Variants in GK5 observed in about 807,000 individuals in gnomAD.
GK5 encodes glycerol kinase 5, also known as ATP:glycerol 3-phosphotransferase 5.
In GK5, 39 loss-of-function variants were observed where a neutral mutation model predicts 77.3. The ratio of observed to expected loss-of-function variants is 0.50; its 90% confidence interval spans 0.39 to 0.66. GK5 has a LOEUF of 0.66. GK5 is among the 30% of genes least tolerant of loss of function. The pLI is 0.00. For missense variants in GK5, 487 were observed against 633.8 expected (o/e 0.77, Z 2.49); for synonymous variants, 211 against 208.0 (o/e 1.01, Z -0.13).
At chr3:142,189,343 A>G (rs2063817375) in intron 5 of GK5, among the ~76,000 whole-genome samples, 1 of 152,220 alleles carries the variant, frequency 6.6e-6, no homozygotes, top group Admixed American at 6.5e-5. Context: ...GAGTTCCAAA[A>G]ACGAGGTCAT....
Position 142,225,206 on chromosome 3 carries a change from T to C in GK5, c.147+103A>G, listed in dbSNP as rs888251956. The C allele has an allele frequency of 3.1e-4, 399 of 1,284,256 alleles. 2 individuals are homozygous for C. In the African/African-American group the frequency reaches 5.9e-3, roughly 19 times the overall value. 79.6% of individuals were successfully genotyped at this position (1,284,256 alleles called of 1,614,324 possible). A position where few individuals can be genotyped will look rare whatever the true frequency, so the allele number is the denominator to read the frequency against. ...CCCGCGGGTGCTGCAGGTGGCCGCGTCCAGGGCGGTAGGTGGGGCCTGCCC... is the reference window on the plus strand; with the variant it reads ...CCCGCGGGTGCTGCAGGTGGCCGCGCCCAGGGCGGTAGGTGGGGCCTGCCC... On this transcript the variant is annotated intron_variant, in intron 1 of 15. Coordinates refer to ENST00000392993, the MANE Select transcript of GK5 (RefSeq NM_001039547.3).
rs369557252 is a variant in GK5 at position 142,181,535 on chromosome 3, C to T, written c.974G>A (p.Gly325Glu). 31 of 1,613,160 alleles carry T rather than the reference C, an allele frequency of 1.9e-5. No individual in the cohort carries two copies. The African/African-American group carries it at 3.9e-4, about 20-fold the overall frequency. The stretch of plus-strand genomic sequence containing the variant: ...TTCAGCTAAGCATACGACTTCTTGC[C>T]CAATCTTCCACCCAATTAATGGATA... The part of the protein sequence containing the change: ...GFYPLIGWKI[G>E]QEVVCLAESN... The change falls in exon 11 of 16, where the codon GGG (glycine) becomes GAG (glutamate). Residue 325 changes from glycine (G) to glutamate (E), a missense_variant. Gly to Glu is a moderately conservative substitution (Grantham distance 98, BLOSUM62 -2). This residue lies in a region of GK5 where 323 missense variants were observed against 437.4 expected (regional missense o/e 0.74). Transcript: ENST00000392993.
rs553977265 is a variant in GK5, at chr3:142,161,024, A to T, written c.*4598T>A. 1.3e-5 allele frequency: 2 copies of T among 152,334 alleles called. No individual in the cohort carries two copies. The highest frequency in any genetic ancestry group is 2.9e-5 in the Non-Finnish European group (2 of 68,034). The allele number at this position is 152,334 out of a possible 1,614,324, so 9.4% of individuals were successfully genotyped here. A position where few individuals can be genotyped will look rare whatever the true frequency, so the allele number is the denominator to read the frequency against. On this transcript the variant is annotated 3_prime_UTR_variant, in exon 16 of 16. Transcript: ENST00000392993. ...AGGCATGAGCCACTGTACTTGGCCA[A>T]AAATTTTAAATAAACAACATGAGGA...
intron 1 of GK5, among the ~76,000 whole-genome samples, chr3:142,220,457 G>GT (rs1393722536): frequency 6.6e-6 from 1 of 152,160 alleles, no homozygotes; most frequent in Non-Finnish European, 1.5e-5. Flanking sequence ...AATACGAACA[G>GT]TGAGTGGGCA....
intron 11 of GK5, among the ~76,000 whole-genome samples, chr3:142,178,860 T>C (rs1291697080): frequency 2.0e-5 from 3 of 152,242 alleles, no homozygotes; most frequent in African/African-American, 7.2e-5. Flanking sequence ...TTTTTCAAAG[T>C]GGCTCTACCA....
In GK5 at chr3:142,183,136, T is replaced by A. The variant is rs2063720012; in HGVS notation, c.817-87A>T. 2.6e-6 allele frequency: 3 copies of A among 1,142,526 alleles called. No homozygotes were observed. The African/African-American group carries it at 4.7e-5, about 18-fold the overall frequency. The allele number at this position is 1,142,526 out of a possible 1,614,324, so 70.8% of individuals were successfully genotyped here. A position where few individuals can be genotyped will look rare whatever the true frequency, so the allele number is the denominator to read the frequency against. Reference sequence around the variant, plus strand: ...CATTGTCTCACTTATTGTACTCTCATGATTAAACATCTTCGTTTCTTTTTC... The same window carrying A: ...CATTGTCTCACTTATTGTACTCTCAAGATTAAACATCTTCGTTTCTTTTTC... On this transcript the variant is annotated intron_variant, in intron 9 of 15. Transcript: ENST00000392993.
intron 2 of GK5, among the ~76,000 whole-genome samples, 192 bp downstream of exon 2, chr3:142,215,406 GA>G (rs905457112): frequency 1.4e-4 from 21 of 152,230 alleles, no homozygotes; most frequent in African/African-American, 4.6e-4. Context: ...GGACACAGCA[GA>G]TGTTACCTTT....
chr3:142,187,923 G>A (rs1218478137), intron 5 of GK5, 144 bp from the exon 6 acceptor site: 1 of 617,372 alleles, frequency 1.6e-6, no homozygotes, highest in African/African-American at 1.9e-5. Flanking sequence ...TATTCCAAAT[G>A]GTTCTAAGTG....
chr3:142,219,662 CGATTTTA>C (rs1560240190), intron 1 of GK5, among the ~76,000 whole-genome samples: 3 of 152,142 alleles, frequency 2.0e-5, no homozygotes, highest in African/African-American at 7.2e-5. Flanking sequence ...CACCAAAAGT[CGATTTTA>C]CTTTAACTTA....
At chr3:142,178,898 C>T (rs1324541407) in intron 11 of GK5, among the ~76,000 whole-genome samples, 1 of 152,218 alleles carries the variant, frequency 6.6e-6, no homozygotes, top group East Asian at 1.9e-4. Flanking sequence ...GCGGCAGGCA[C>T]GAGAGTTCGT....
chr3:142,216,245 C>A (rs994521800), intron 1 of GK5, among the ~76,000 whole-genome samples: 2 of 152,094 alleles, frequency 1.3e-5, no homozygotes, highest in African/African-American at 4.8e-5. Context: ...ATCCTGAAAA[C>A]CAGAACTGGG....
At position 142,165,613 on chromosome 3, in the gene GK5, C is replaced by T. The variant is rs990341035; in HGVS notation, c.*9G>A. ...CAGCTACCTATGGTTTTGATCATTT[C>T]ATTTAGTGTTATGTCTTGTTATACC... On this transcript the variant is annotated 3_prime_UTR_variant, in exon 16 of 16. Transcript: ENST00000392993. 1.5e-5 allele frequency: 24 copies of T among 1,598,002 alleles called. No individual in the cohort carries two copies. The highest frequency in any genetic ancestry group is 2.0e-5 in the Non-Finnish European group (23 of 1,173,842).
At chr3:142,205,476 C>G (rs2064091003) in intron 3 of GK5, among the ~76,000 whole-genome samples, 1 of 152,174 alleles carries the variant, frequency 6.6e-6, no homozygotes, top group African/African-American at 2.4e-5. Context: ...CATTCCACAC[C>G]CATGGTCATA....
chr3:142,198,571 G>A (rs2063970415), intron 5 of GK5, among the ~76,000 whole-genome samples: 2 of 152,190 alleles, frequency 1.3e-5, no homozygotes, highest in African/African-American at 4.8e-5. Flanking sequence ...CCGAGATCAC[G>A]CCATTGCACA....
chr3:142,163,267 A>T lies in GK5; in HGVS notation c.*2355T>A, dbSNP rs138918662. 2 of 146,050 alleles carry T rather than the reference A, an allele frequency of 1.4e-5. No individual in the cohort carries two copies. Among genetic ancestry groups the T allele is most frequent in the African/African-American group, 5.3e-5 (2 of 37,912 alleles). 9.0% of individuals were successfully genotyped at this position (146,050 alleles called of 1,614,324 possible). A position where few individuals can be genotyped will look rare whatever the true frequency, so the allele number is the denominator to read the frequency against. On this transcript the variant is annotated 3_prime_UTR_variant, in exon 16 of 16. Transcript: ENST00000392993. ...AGTTACTTTCCAACATTATCTGAAA[A>T]GTATTGATCCTTTTTTTTTTTTTTT...
chr3:142,198,254 T>C (rs967461523), intron 5 of GK5, among the ~76,000 whole-genome samples: 2 of 152,134 alleles, frequency 1.3e-5, no homozygotes, highest in African/African-American at 4.8e-5. Context: ...CACACAACAT[T>C]GCTATATGTC....
chr3:142,195,263 C>T (rs1560224049), intron 5 of GK5, among the ~76,000 whole-genome samples: 1 of 151,652 alleles, frequency 6.6e-6, no homozygotes, highest in African/African-American at 2.4e-5. Context: ...GGGATAAATC[C>T]CACTTAGTCA....
rs1357782469 is a variant in GK5, at chr3:142,177,585, A to C, written c.1049-9T>G. On this transcript the variant is annotated splice_polypyrimidine_tract_variant and intron_variant, in intron 11 of 15. Coordinates refer to ENST00000392993, the MANE Select transcript of GK5 (RefSeq NM_001039547.3). ...AGCATCTGTGAAAAGGTCTGCAAAAACAAACAAACAACAAAAAACCCTAAA... is the reference window on the plus strand; with the variant it reads ...AGCATCTGTGAAAAGGTCTGCAAAACCAAACAAACAACAAAAAACCCTAAA... The C allele has an allele frequency of 6.4e-7, 1 of 1,564,008 alleles. No homozygotes were observed. The highest frequency in any genetic ancestry group is 8.8e-7 in the Non-Finnish European group (1 of 1,142,676).
At chr3:142,207,434 T>C (rs570240960) in intron 3 of GK5, among the ~76,000 whole-genome samples, 1 of 152,348 alleles carries the variant, frequency 6.6e-6, no homozygotes, top group Admixed American at 6.5e-5. Context: ...TTGCTAATCA[T>C]AGGTTATGGA....
Sources: gnomAD v4.1 joint callset for allele counts (sites outside exome capture counted in the v4.1 genomes callset) on GRCh38, gnomAD v4.1.1 for gene constraint, gnomAD v4.1.1 regional missense constraint, MANE v1.5 for transcripts, NCBI Gene and HGNC (gene_info 2026-07-23, HGNC 2026-07-21) for gene names.